The following MYO1B variants were observed in gnomAD, a reference collection of about 807,000 sequenced individuals.
The protein encoded by MYO1B is unconventional myosin-Ib.
A neutral mutation model predicts 159.7 loss-of-function variants in MYO1B; 72 were observed. The observed-to-expected ratio is 0.45, with a 90% confidence interval of 0.37 to 0.55. The LOEUF is 0.55. Among genes scored for constraint, MYO1B ranks in the 20% least tolerant of loss-of-function variants. MYO1B has a pLI of 0.00. For synonymous variants in MYO1B, 468 were observed against 473.8 expected (o/e 0.99, Z 0.16); for missense variants, 1,062 against 1,364.8 (o/e 0.78, Z 3.50).
Position 191,382,214 on chromosome 2 carries a change from T to G in MYO1B, c.1290+648T>G, listed in dbSNP as rs530870088. Among the ~76,000 whole-genome samples the G allele has an allele frequency of 8.5e-5, 13 of 152,274 alleles. No homozygotes were observed. The East Asian group carries it at 2.3e-3, about 27-fold the overall frequency. On this transcript the variant is annotated intron_variant, in intron 14 of 30. Transcript: ENST00000392318. Reference sequence around the variant, plus strand: ...TATGTTTATATTTTTATTTCCTTTTTTGTTTATTTGCCTTAATATTTTAGT... The same window carrying G: ...TATGTTTATATTTTTATTTCCTTTTGTGTTTATTTGCCTTAATATTTTAGT...
At chr2:191,405,120 G>GTTGTCA (rs908739383) in intron 24 of MYO1B, among the ~76,000 whole-genome samples, 6 of 152,198 alleles carry the variant, frequency 3.9e-5, no homozygotes, top group African/African-American at 1.4e-4. Context: ...CAAATCCTTT[G>GTTGTCA]TTGTCATTTC....
Position 191,385,950 on chromosome 2 carries a change from A to T in MYO1B, c.1420A>T (p.Thr474Ser). Residue 474 changes from threonine to serine, a missense_variant, in exon 16 of 31, where the codon ACC becomes TCC. Physicochemically the swap from Thr to Ser is moderately conservative, Grantham distance 58 (BLOSUM62 1). Transcript: ENST00000392318. ...CAGACCTGGCACAGTCACTGATGAG[A>T]CCTTCTTAGAAAAGCTGAACCAAGT... ...CLRPGTVTDE[T>S]FLEKLNQVCA... 6.2e-7 allele frequency: 1 copy of T among 1,614,140 alleles called. No individual in the cohort carries two copies.
At chr2:191,344,390 A>C (rs1209771077) in intron 5 of MYO1B, among the ~76,000 whole-genome samples, 1 of 152,236 alleles carries the variant, frequency 6.6e-6, no homozygotes, top group Admixed American at 6.5e-5. Context: ...ATAGCATTTC[A>C]GCTCATCTTC....
At chr2:191,325,261 A>G (rs1690978792) in intron 3 of MYO1B, among the ~76,000 whole-genome samples, 1 of 152,190 alleles carries the variant, frequency 6.6e-6, no homozygotes, top group Non-Finnish European at 1.5e-5. Flanking sequence ...GGGAATTTTG[A>G]GACTGAGCTA....
At chr2:191,268,413 C>T (rs1687267665) in intron 1 of MYO1B, among the ~76,000 whole-genome samples, 1 of 152,154 alleles carries the variant, frequency 6.6e-6, no homozygotes, top group South Asian at 2.1e-4. Flanking sequence ...CCAAAGGACC[C>T]ACCTCCAAAT....
At chr2:191,247,697 C>A (rs965486769) in intron 1 of MYO1B, among the ~76,000 whole-genome samples, 1 of 152,230 alleles carries the variant, frequency 6.6e-6, no homozygotes, top group African/African-American at 2.4e-5. Context: ...TTATAAAATA[C>A]AACACGATTG....
intron 3 of MYO1B, among the ~76,000 whole-genome samples, chr2:191,313,192 C>CTGTTTTT (rs1690117216): frequency 4.7e-5 from 2 of 42,992 alleles, no homozygotes; most frequent in African/African-American, 1.1e-4. Context: ...GCACACATGG[C>CTGTTTTT]TTTTTTTTTT....
chr2:191,303,902 T>C (rs1689484349), intron 3 of MYO1B, among the ~76,000 whole-genome samples: 1 of 152,144 alleles, frequency 6.6e-6, no homozygotes, highest in South Asian at 2.1e-4. Context: ...TAAATAAACA[T>C]CTCGTGTGTA....
At chr2:191,397,588 A>G (rs1303891505) in intron 21 of MYO1B, among the ~76,000 whole-genome samples, 1 of 150,624 alleles carries the variant, frequency 6.6e-6, no homozygotes, top group Admixed American at 6.6e-5. Context: ...TCCCATGTCT[A>G]CTTCTATCCA....
intron 27 of MYO1B, among the ~76,000 whole-genome samples, chr2:191,413,210 A>G (rs1229390218): frequency 5.9e-5 from 9 of 152,194 alleles, no homozygotes; most frequent in South Asian, 2.1e-4. Flanking sequence ...TGAAAATATC[A>G]TAAGTTGAAA....
intron 16 of MYO1B, 59 bp from the exon 17 acceptor site, chr2:191,387,165 G>C: frequency 6.6e-7 from 1 of 1,506,498 alleles, no homozygotes; most frequent in Non-Finnish European, 9.1e-7. Flanking sequence ...ATTTTTAATA[G>C]TTGTTTGACA....
chr2:191,408,977 T>C (rs1697096018), intron 25 of MYO1B, 67 bp from the exon 26 acceptor site: 1 of 1,461,992 alleles, frequency 6.8e-7, no homozygotes. Context: ...TTGATCATGA[T>C]GTATGTAAAA....
chr2:191,309,595 C>CAA (rs1689869416), intron 3 of MYO1B, among the ~76,000 whole-genome samples: 1 of 152,170 alleles, frequency 6.6e-6, no homozygotes, highest in South Asian at 2.1e-4. Context: ...TGGCCACCTC[C>CAA]CTGACTGCAT....
rs115462590 is a variant in MYO1B at position 191,249,292 on chromosome 2, G to A, written c.-10+3666G>A. Among the ~76,000 whole-genome samples the A allele has an allele frequency of 1.6e-3, 241 of 152,332 alleles. 1 individual carries two copies. The highest frequency in any genetic ancestry group is 5.5e-3 in the African/African-American group (229 of 41,576). ...TGGGACATCAGAATTGGAAACACTC[G>A]CAGCAGCAGGCCATAGATTTTTCCC... is the stretch of plus-strand genomic sequence containing the variant. On this transcript the variant is annotated intron_variant, in intron 1 of 30. Coordinates refer to ENST00000392318, the MANE Select transcript of MYO1B (RefSeq NM_001130158.3).
intron 3 of MYO1B, among the ~76,000 whole-genome samples, chr2:191,318,381 A>T (rs191503717): frequency 4.1e-4 from 62 of 152,374 alleles, no homozygotes; most frequent in African/African-American, 1.4e-3. Flanking sequence ...CTGGGTAACC[A>T]GAAATCAGTC....
At chr2:191,333,869 C>A (rs1359319780) in intron 4 of MYO1B, among the ~76,000 whole-genome samples, 1 of 152,152 alleles carries the variant, frequency 6.6e-6, no homozygotes, top group Non-Finnish European at 1.5e-5. Context: ...TTGTTTGTCT[C>A]TAGGTTGACA....
chr2:191,275,613 C>T (rs573983120), intron 1 of MYO1B, among the ~76,000 whole-genome samples: 2 of 152,272 alleles, frequency 1.3e-5, no homozygotes, highest in Admixed American at 6.5e-5. Context: ...CTTTATAAGA[C>T]ATAGTGTGCC....
chr2:191,318,300 G>T (rs920006000), intron 3 of MYO1B, among the ~76,000 whole-genome samples: 1 of 152,166 alleles, frequency 6.6e-6, no homozygotes, highest in Admixed American at 6.5e-5. Flanking sequence ...GTAATCTGTA[G>T]CACATCAGTG....
At position 191,408,149 on chromosome 2, in the gene MYO1B, A is replaced by G. The variant is rs762439233; in HGVS notation, c.2591A>G (p.Asn864Ser). 3.5e-5 allele frequency: 56 copies of G among 1,613,388 alleles called. No individual in the cohort carries two copies. The highest frequency in any genetic ancestry group is 4.1e-5 in the Non-Finnish European group (48 of 1,179,570). The stretch of plus-strand genomic sequence containing the variant: ...GAATACAGGAAATTCTTCAGAGCCA[A>G]TGCTGGAAAGAAAATCTATGAGTTT... ...RREYRKFFRA[N>S]AGKKIYEFTL... The change falls in exon 25 of 31, where the codon AAT (asparagine) becomes AGT (serine). Residue 864 changes from asparagine (N) to serine (S), a missense_variant. Coordinates refer to ENST00000392318, the MANE Select transcript of MYO1B (RefSeq NM_001130158.3).
Sources: gnomAD v4.1 joint callset for allele counts (sites outside exome capture counted in the v4.1 genomes callset) on GRCh38, gnomAD v4.1.1 for gene constraint, MANE v1.5 for transcripts, NCBI Gene and HGNC (gene_info 2026-07-23, HGNC 2026-07-21) for gene names.